Variants in MMS19 observed in about 807,000 individuals in gnomAD.
MMS19 encodes the protein MMS19 nucleotide excision repair protein homolog.
In MMS19, 77 loss-of-function variants were observed where a neutral mutation model predicts 129.8. That is an observed-to-expected ratio of 0.59 (90% confidence interval 0.49 to 0.72). MMS19 has a LOEUF of 0.72. MMS19 is among the 30% of genes least tolerant of loss of function. The probability of loss-of-function intolerance (pLI) is 0.00; values close to 1 mark genes in which losing one functional copy is unlikely to be tolerated. For synonymous variants in MMS19, 491 were observed against 502.8 expected (o/e 0.98, Z 0.31); for missense variants, 1,168 against 1,266.3 (o/e 0.92, Z 1.18).
At chr10:97,461,938 G>A (rs2032082122) in intron 21 of MMS19, 42 bp from the exon 22 acceptor site, 2 of 1,577,596 alleles carry the variant, frequency 1.3e-6, no homozygotes, top group East Asian at 4.6e-5. Flanking sequence ...CCAGCAATAA[G>A]CTTGTCTGCC....
At chr10:97,496,961 T>A (rs950727498) in intron 1 of MMS19, among the ~76,000 whole-genome samples, 2 of 152,228 alleles carry the variant, frequency 1.3e-5, no homozygotes, top group African/African-American at 4.8e-5. Context: ...TAAAATTCTT[T>A]ATACTTGGCT....
At chr10:97,494,051 G>A (rs545945439) in intron 1 of MMS19, among the ~76,000 whole-genome samples, 4 of 152,186 alleles carry the variant, frequency 2.6e-5, no homozygotes, top group South Asian at 2.1e-4. Context: ...CAACACACCC[G>A]TAATACCTGG....
intron 23 of MMS19, 87 bp from the exon 24 acceptor site, chr10:97,461,094 C>T (rs1436958292): frequency 9.2e-7 from 1 of 1,086,452 alleles, no homozygotes; most frequent in Non-Finnish European, 1.3e-6. Flanking sequence ...TGCAGAGCTC[C>T]CTGAGAAGCT....
intron 25 of MMS19, 68 bp downstream of exon 25, chr10:97,460,627 G>A (rs1051750057): frequency 1.5e-6 from 2 of 1,305,954 alleles, no homozygotes; most frequent in Non-Finnish European, 2.2e-6. Context: ...GGAAGTCCTT[G>A]GGAGGAATAG....
At chr10:97,475,529 G>A (rs1456110636) in intron 8 of MMS19, among the ~76,000 whole-genome samples, 1 of 151,872 alleles carries the variant, frequency 6.6e-6, no homozygotes, top group Non-Finnish European at 1.5e-5. Flanking sequence ...GAAGTCAGGG[G>A]TTCAATATCA....
chr10:97,487,369 A>G (rs1427034225), intron 1 of MMS19, among the ~76,000 whole-genome samples: 2 of 148,180 alleles, frequency 1.3e-5, no homozygotes, highest in Non-Finnish European at 3.0e-5. Flanking sequence ...CCCAGGCCAG[A>G]GTGCGGTGGC....
At chr10:97,477,153 T>A in intron 6 of MMS19, 190 bp from the exon 7 acceptor site, 1 of 1,475,624 alleles carries the variant, frequency 6.8e-7, no homozygotes, top group East Asian at 2.4e-5. Context: ...AGGCAAGAAT[T>A]TAAAACACTG....
In MMS19 at chr10:97,460,813, A is replaced by G. The variant is rs1411914225; in HGVS notation, c.2413-62T>C. ...CACTCAAACCCGAGAACCCTGAGAC[A>G]TAGATGTTTATGGTTTAGGGTCAAA... On this transcript the variant is annotated intron_variant, in intron 24 of 30. Transcript: ENST00000438925. 12 of 1,542,774 alleles carry G rather than the reference A, an allele frequency of 7.8e-6. No homozygotes were observed. In the South Asian group the frequency reaches 1.1e-4, roughly 14 times the overall value.
chr10:97,465,161 C>T (rs998636932), intron 18 of MMS19, among the ~76,000 whole-genome samples: 1 of 151,920 alleles, frequency 6.6e-6, no homozygotes, highest in Non-Finnish European at 1.5e-5. Context: ...AGGCGCCTGC[C>T]ACCATGACCA....
chr10:97,485,524 G>A (rs2037667349), intron 1 of MMS19, among the ~76,000 whole-genome samples: 1 of 152,160 alleles, frequency 6.6e-6, no homozygotes, highest in Non-Finnish European at 1.5e-5. Flanking sequence ...TGTTGGCCAG[G>A]CTGGTTTTGA....
rs41290448 is a variant in MMS19, at chr10:97,461,339, C to T, written c.2311+157G>A. 804 of 879,672 alleles carry T rather than the reference C, an allele frequency of 9.1e-4. 1 individual carries two copies. The highest frequency in any genetic ancestry group is 1.2e-3 in the Non-Finnish European group (706 of 588,960). The allele number at this position is 879,672 out of a possible 1,614,324, so 54.5% of individuals were successfully genotyped here. On this transcript the variant is annotated intron_variant, in intron 23 of 30. Coordinates refer to ENST00000438925, the MANE Select transcript of MMS19 (RefSeq NM_022362.5). ...AAGCTCTGCCCAACTGTGGTCTTGA[C>T]GCTTTTCCCACGGGCAGTCCCAGGA... is the stretch of plus-strand genomic sequence containing the variant.
At chr10:97,468,116 AAGC>A in intron 13 of MMS19, 133 bp downstream of exon 13, 38 of 686,862 alleles carry the variant, frequency 5.5e-5, no homozygotes, top group South Asian at 9.1e-5. Context: ...TGAGTAAGGG[AAGC>A]AGCAGCAGCA....
At chr10:97,495,383 G>A (rs1168331543) in intron 1 of MMS19, among the ~76,000 whole-genome samples, 2 of 152,214 alleles carry the variant, frequency 1.3e-5, no homozygotes, top group East Asian at 1.9e-4. Context: ...AAAGGTGGCA[G>A]CAGCTGCTTT....
chr10:97,485,646 C>A (rs1320471291), intron 1 of MMS19, among the ~76,000 whole-genome samples: 7 of 152,092 alleles, frequency 4.6e-5, no homozygotes, highest in Non-Finnish European at 1.0e-4. Context: ...TAGGGCTTTA[C>A]AATGTTGGCC....
At position 97,498,375 on chromosome 10, in the gene MMS19, C is replaced by A. The variant is rs576915224; in HGVS notation, c.10G>T (p.Ala4Ser). The stretch of plus-strand genomic sequence containing the variant: ...GGCGCCGCCGCCTCCACAGCCGCGG[C>A]AGCGGCCATAACGCGAACTAGAGAC... MAAAAAVEAAAPMG... is the reference protein window; with the variant it reads MAASAAVEAAAPMG... Residue 4 changes from alanine to serine, a missense_variant, in exon 1 of 31, where the codon GCC (alanine) becomes TCC (serine). Transcript: ENST00000438925. 1 of 1,578,840 alleles carries A rather than the reference C, an allele frequency of 6.3e-7. No individual in the cohort carries two copies. Among genetic ancestry groups the A allele is most frequent in the Admixed American group, 1.8e-5 (1 of 57,096 alleles).
In MMS19 at chr10:97,459,711, G is replaced by A. The variant is rs1326669860; in HGVS notation, c.2687C>T (p.Ser896Phe). The stretch of plus-strand genomic sequence containing the variant: ...CTTGGGCAGCCTGTTAAGTACATGA[G>A]AAAGACCCTTCAAGTAGTTTGGCTT... ...DVKPNYLKGL[S>F]HVLNRLPKPV... Residue 896 changes from serine (S) to phenylalanine (F), a missense_variant, in exon 27 of 31, where the codon TCT becomes TTT. Physicochemically the swap from Ser to Phe is radical, Grantham distance 155. This residue lies in a region of MMS19 where 831 missense variants were observed against 910.8 expected (regional missense o/e 0.91). Transcript: ENST00000438925. 1 of 1,612,450 alleles carries A rather than the reference G, an allele frequency of 6.2e-7. No homozygotes were observed. The highest frequency in any genetic ancestry group is 1.7e-5 in the Admixed American group (1 of 59,734).
intron 1 of MMS19, among the ~76,000 whole-genome samples, chr10:97,487,666 A>G (rs952430753): frequency 6.6e-6 from 1 of 152,276 alleles, no homozygotes; most frequent in Admixed American, 6.5e-5. Flanking sequence ...AGAAGCCCTA[A>G]AAGATTGGTT....
intron 24 of MMS19, 26 bp from the exon 25 acceptor site, chr10:97,460,777 T>C (rs545673222): frequency 4.2e-5 from 67 of 1,583,814 alleles, no homozygotes; most frequent in Middle Eastern, 1.7e-4. Flanking sequence ...GAGAGAGCAA[T>C]TGGGGAATGA....
chr10:97,484,205 G>C lies in MMS19; in HGVS notation c.113-54C>G, dbSNP rs556550178. 131 of 1,200,140 alleles carry C rather than the reference G, an allele frequency of 1.1e-4. No homozygotes were observed. In the African/African-American group the frequency reaches 1.7e-3, roughly 15 times the overall value. 74.3% of individuals were successfully genotyped at this position (1,200,140 alleles called of 1,614,324 possible). ...AAAATAAAAAAAAAACCTACCAAAG[G>C]GTTGAATAACACTAATTATAATGTT... On this transcript the variant is annotated intron_variant, in intron 1 of 30. Coordinates refer to ENST00000438925, the MANE Select transcript of MMS19 (RefSeq NM_022362.5).
Sources: gnomAD v4.1 joint callset for allele counts (sites outside exome capture counted in the v4.1 genomes callset) on GRCh38, gnomAD v4.1.1 for gene constraint, gnomAD v4.1.1 regional missense constraint, MANE v1.5 for transcripts, NCBI Gene and HGNC (gene_info 2026-07-23, HGNC 2026-07-21) for gene names.